Variants in TRMT1L observed in about 807,000 individuals in gnomAD.
The protein encoded by TRMT1L is tRNA methyltransferase 1L, also known as tRNA (guanine(27)-N(2))-dimethyltransferase.
Under a neutral mutation model 81.6 loss-of-function variants are expected in TRMT1L, and 28 were observed. The ratio of observed to expected loss-of-function variants is 0.34; its 90% CI spans 0.25 to 0.47. TRMT1L has a LOEUF of 0.47. Among genes scored for constraint, TRMT1L ranks in the 20% least tolerant of loss-of-function variants. The pLI is 1.00. For synonymous variants in TRMT1L, 301 were observed against 303.2 expected, an observed-to-expected ratio of 0.99 and a Z score of 0.07; for missense variants, 739 against 877.1, an observed-to-expected ratio of 0.84 and a Z score of 1.99.
intron 9 of TRMT1L, 147 bp downstream of exon 9, chr1:185,139,220 C>G (rs2102244590): frequency 1.8e-6 from 1 of 569,520 alleles, no homozygotes; most frequent in South Asian, 3.3e-5. Context: ...CAACAGATAC[C>G]ACGTAAGATT....
rs891461960 is a variant in TRMT1L, at chr1:185,119,301, C to CT, written c.*717dup. Reference sequence around the variant, plus strand: ...ACCTTTTTAATTTATAACCAAATCTCTCCTCTTCAGGATTTCAGTGCTCAT... The same window carrying CT: ...ACCTTTTTAATTTATAACCAAATCTCTTCCTCTTCAGGATTTCAGTGCTCAT... On this transcript the variant is annotated 3_prime_UTR_variant, in exon 15 of 15. Coordinates refer to ENST00000367506, the MANE Select transcript of TRMT1L (RefSeq NM_030934.5). 6.6e-6 allele frequency: 1 copy of CT among 152,084 alleles called. No homozygotes were observed. Among genetic ancestry groups the CT allele is most frequent in the Admixed American group, 6.6e-5 (1 of 15,244 alleles). 9.4% of individuals were successfully genotyped at this position (152,084 alleles called of 1,614,324 possible). A position where few individuals can be genotyped will look rare whatever the true frequency, so the allele number is the denominator to read the frequency against.
intron 3 of TRMT1L, 63 bp downstream of exon 3, chr1:185,150,316 A>G (rs530632984): frequency 8.2e-7 from 1 of 1,225,402 alleles, no homozygotes; most frequent in Non-Finnish European, 1.2e-6. Flanking sequence ...TAAAAATGCC[A>G]AAACTGGTAA....
In TRMT1L at chr1:185,130,551, T is replaced by C. The variant is rs1169868556; in HGVS notation, c.1514-1804A>G. Among the ~76,000 whole-genome samples the C allele has an allele frequency of 2.6e-5, 4 of 152,178 alleles. No homozygotes were observed. In the East Asian group the frequency reaches 5.8e-4, roughly 22 times the overall value. On this transcript the variant is annotated intron_variant, in intron 10 of 14. Coordinates refer to ENST00000367506, the MANE Select transcript of TRMT1L (RefSeq NM_030934.5). Reference sequence around the variant, plus strand: ...AAAGTTCATTAGTGTTTTGGGACCCTGCGACGGCCTGAAAATTGAAGGCAA... The same window carrying C: ...AAAGTTCATTAGTGTTTTGGGACCCCGCGACGGCCTGAAAATTGAAGGCAA...
At chr1:185,123,945 GAAAAT>G (rs754563637) in intron 12 of TRMT1L, 26 bp from the exon 13 acceptor site, 1 of 1,309,802 alleles carries the variant, frequency 7.6e-7, no homozygotes, top group South Asian at 1.4e-5. Flanking sequence ...AATGGGAAAA[GAAAAT>G]ATTTTACAGA....
intron 5 of TRMT1L, among the ~76,000 whole-genome samples, chr1:185,144,378 G>A (rs1175759900): frequency 6.6e-6 from 1 of 151,918 alleles, no homozygotes; most frequent in African/African-American, 2.4e-5. Flanking sequence ...TACCTTTGTG[G>A]TTCATCAAAC....
rs568916739 is a variant in TRMT1L, at chr1:185,127,943, G to C, written c.1592+726C>G. 4.6e-5 allele frequency among the ~76,000 whole-genome samples: 7 copies of C among 151,870 alleles called. No individual in the cohort carries two copies. The East Asian group carries it at 1.4e-3, about 30-fold the overall frequency. ...AGCCTGGCAAACATGGTGAAACCCA[G>C]TCTCTAATGAAAGTACAAAAATCAG... On this transcript the variant is annotated intron_variant, in intron 11 of 14. Coordinates refer to ENST00000367506, the MANE Select transcript of TRMT1L (RefSeq NM_030934.5).
chr1:185,150,696 A>G (rs1653320405), intron 2 of TRMT1L, among the ~76,000 whole-genome samples: 1 of 149,830 alleles, frequency 6.7e-6, no homozygotes, highest in South Asian at 2.1e-4. Context: ...TTCACCCTAA[A>G]ATTTCCCTCT....
At chr1:185,150,936 G>A (rs1653327812) in intron 2 of TRMT1L, among the ~76,000 whole-genome samples, 1 of 152,188 alleles carries the variant, frequency 6.6e-6, no homozygotes, top group Admixed American at 6.5e-5. Flanking sequence ...CAGTTAACAT[G>A]TGGAGTTAGA....
chr1:185,143,493 T>C (rs1323514963), intron 6 of TRMT1L, 57 bp from the exon 7 acceptor site: 4 of 1,491,804 alleles, frequency 2.7e-6, no homozygotes, highest in Non-Finnish European at 3.7e-6. Flanking sequence ...TCATAGATTT[T>C]ATTTCATTTA....
At position 185,144,146 on chromosome 1, in the gene TRMT1L, A is replaced by C. The variant is rs938719254; in HGVS notation, c.656-117T>G. 9.2e-6 allele frequency: 10 copies of C among 1,089,966 alleles called. No homozygotes were observed. The Admixed American group carries it at 2.0e-4, about 21-fold the overall frequency. The allele number at this position is 1,089,966 out of a possible 1,614,324, so 67.5% of individuals were successfully genotyped here. ...TAAAACAATAAATATACATTTTGAA[A>C]AATAACTTTATATTATTTTGTGTTA... On this transcript the variant is annotated intron_variant, in intron 5 of 14. Coordinates refer to ENST00000367506, the MANE Select transcript of TRMT1L (RefSeq NM_030934.5).
rs545790637 is a variant in TRMT1L, at chr1:185,149,313, T to C, written c.460+1066A>G. Among the ~76,000 whole-genome samples, 14 of 151,980 alleles carry C rather than the reference T, an allele frequency of 9.2e-5. 1 individual carries two copies. The South Asian group carries it at 2.9e-3, about 32-fold the overall frequency. ...GATTCTTTTACTTCCTCTTTTTTTT[T>C]TTTTTTTAAGAAACAGAGTCTCACT... On this transcript the variant is annotated intron_variant, in intron 3 of 14. Transcript: ENST00000367506.
At position 185,156,620 on chromosome 1, in the gene TRMT1L, C is replaced by A; in HGVS notation, c.93G>T (p.Ser31=). The change falls in exon 1 of 15, where the codon TCG becomes TCT. Residue 31 remains serine (S), a synonymous_variant. Coordinates refer to ENST00000367506, the MANE Select transcript of TRMT1L (RefSeq NM_030934.5). ...CCGGGGCCGGAGCTGGGACCCCAGC[C>A]GAGTCCCGGGCCGGGGTCGGGACCT... ...QVQVPTPARD[S]AGVPAPAPDS... 1 of 1,602,132 alleles carries A rather than the reference C, an allele frequency of 6.2e-7. No homozygotes were observed. The highest frequency in any genetic ancestry group is 8.5e-7 in the Non-Finnish European group (1 of 1,174,466).
At chr1:185,152,506 A>T (rs1653388480) in intron 1 of TRMT1L, among the ~76,000 whole-genome samples, 1 of 152,246 alleles carries the variant, frequency 6.6e-6, no homozygotes, top group South Asian at 2.1e-4. Flanking sequence ...TACGCAAGTT[A>T]GTTTGAACTT....
chr1:185,156,524 C>CGGAGCCTGGGCCAGGGCA lies in TRMT1L; in HGVS notation c.171_188dup (p.Ala60_Leu65dup). 1 of 1,613,144 alleles carries CGGAGCCTGGGCCAGGGCA rather than the reference C, an allele frequency of 6.2e-7. No individual in the cohort carries two copies. The highest frequency in any genetic ancestry group is 8.5e-7 in the Non-Finnish European group (1 of 1,179,568). ...CAGAGGCTAGGGACGGGGACAGGGC[C>CGGAGCCTGGGCCAGGGCA]GGAGCCTGGGCCAGGGCAGGGGCTG... On this transcript the variant is annotated inframe_insertion, in exon 1 of 15. Coordinates refer to ENST00000367506, the MANE Select transcript of TRMT1L (RefSeq NM_030934.5).
intron 12 of TRMT1L, 183 bp downstream of exon 12, chr1:185,124,761 C>G: frequency 6.6e-6 from 3 of 454,684 alleles, no homozygotes; most frequent in Non-Finnish European, 1.1e-5. Context: ...GGCCTGATTA[C>G]AAGCCTGAAT....
At chr1:185,148,746 A>G (rs1314588109) in intron 3 of TRMT1L, among the ~76,000 whole-genome samples, 1 of 152,238 alleles carries the variant, frequency 6.6e-6, no homozygotes, top group African/African-American at 2.4e-5. Context: ...AGAAGTCAGT[A>G]TGGTTTATCA....
intron 14 of TRMT1L, 34 bp from the exon 15 acceptor site, chr1:185,120,305 G>A: frequency 6.7e-7 from 1 of 1,491,152 alleles, no homozygotes; most frequent in Non-Finnish European, 8.9e-7. Context: ...AAATAATCAG[G>A]TTCTTGTATT....
At chr1:185,125,221 G>T in intron 11 of TRMT1L, 111 bp from the exon 12 acceptor site, 2 of 606,276 alleles carry the variant, frequency 3.3e-6, no homozygotes, top group Non-Finnish European at 5.1e-6. Context: ...ATATGACAGA[G>T]TAATACTTAA....
intron 10 of TRMT1L, among the ~76,000 whole-genome samples, chr1:185,135,539 A>T (rs1334852078): frequency 6.6e-6 from 1 of 152,146 alleles, no homozygotes; most frequent in Non-Finnish European, 1.5e-5. Flanking sequence ...GAATATGACC[A>T]TAGGAACCAA....
Sources: gnomAD v4.1 joint callset for allele counts (sites outside exome capture counted in the v4.1 genomes callset) on GRCh38, gnomAD v4.1.1 for gene constraint, MANE v1.5 for transcripts, NCBI Gene and HGNC (gene_info 2026-07-23, HGNC 2026-07-21) for gene names.